The following CCDC102B variants were observed in gnomAD, a reference collection of about 807,000 sequenced individuals.
CCDC102B encodes the protein coiled-coil domain-containing protein 102B.
A neutral mutation model predicts 57.4 loss-of-function variants in CCDC102B; 75 were observed. That is an observed-to-expected ratio of 1.31 (90% CI 1.08 to 1.58). CCDC102B has a LOEUF of 1.58. Ranked by LOEUF, CCDC102B falls within the 40% of genes most tolerant of loss-of-function variation. The pLI is 0.00. For missense variants in CCDC102B, 636 were observed against 582.6 expected (o/e 1.09, Z -0.94); for synonymous variants, 206 against 201.9 (o/e 1.02, Z -0.17).
rs1441238529 is a variant in CCDC102B, at chr18:68,890,965, C to T, written c.1054-6254C>T. Among the ~76,000 whole-genome samples, 3 of 151,952 alleles carry T rather than the reference C, an allele frequency of 2.0e-5. No individual in the cohort carries two copies. In the East Asian group the frequency reaches 5.8e-4, roughly 29 times the overall value. On this transcript the variant is annotated intron_variant, in intron 5 of 7. Transcript: ENST00000360242. Reference sequence around the variant, plus strand: ...TTAATCATAGGAGTGGGACTTATTTCTTTAGGAATAGAATTACTGGTTCAT... The same window carrying T: ...TTAATCATAGGAGTGGGACTTATTTTTTTAGGAATAGAATTACTGGTTCAT...
intron 6 of CCDC102B, among the ~76,000 whole-genome samples, chr18:68,940,230 T>A (rs1384090904): frequency 2.0e-5 from 3 of 151,886 alleles, no homozygotes; most frequent in Non-Finnish European, 4.4e-5. Context: ...ATTCATGATT[T>A]ATTGAATATT....
chr18:69,048,712 TA>T (rs145226681), intron 7 of CCDC102B, among the ~76,000 whole-genome samples: 15 of 151,752 alleles, frequency 9.9e-5, no homozygotes, highest in South Asian at 2.1e-4. Context: ...TCAGGGTGCT[TA>T]AAAAAAACTC....
At chr18:68,939,329 T>A (rs1185195548) in intron 6 of CCDC102B, among the ~76,000 whole-genome samples, 2 of 151,766 alleles carry the variant, frequency 1.3e-5, no homozygotes, top group Non-Finnish European at 3.0e-5. Context: ...TTTTGCATGT[T>A]ATTAGATTTC....
chr18:68,747,639 T>C (rs1286849994), intron 2 of CCDC102B, among the ~76,000 whole-genome samples: 1 of 152,264 alleles, frequency 6.6e-6, no homozygotes, highest in East Asian at 1.9e-4. Context: ...CTATGACTGG[T>C]TTATTGCACT....
At chr18:68,746,200 C>T (rs1173588900) in intron 2 of CCDC102B, among the ~76,000 whole-genome samples, 1 of 152,208 alleles carries the variant, frequency 6.6e-6, no homozygotes, top group Non-Finnish European at 1.5e-5. Flanking sequence ...ATTACTGCCA[C>T]ATTAAGAGCT....
chr18:68,819,542 G>GT (rs35263403), intron 1 of CCDC102B, among the ~76,000 whole-genome samples: 3,002 of 151,808 alleles, frequency 0.02, 80 homozygotes, highest in African/African-American at 0.055. Context: ...TTTAAAAAAA[G>GT]TTTGGCTTTC....
rs946671329 is a variant in CCDC102B, at chr18:69,014,412, C to T, written c.1434+3308C>T. ...AGGAACATAGAAACTATAGACCAGGCAGCTATTTTCAGGGAGCAGAACCCA... is the reference window on the plus strand; with the variant it reads ...AGGAACATAGAAACTATAGACCAGGTAGCTATTTTCAGGGAGCAGAACCCA... On this transcript the variant is annotated intron_variant, in intron 7 of 7. Transcript: ENST00000360242. Among the ~76,000 whole-genome samples the T allele has an allele frequency of 7.9e-5, 12 of 152,234 alleles. No homozygotes were observed. In the East Asian group the frequency reaches 1.2e-3, roughly 15 times the overall value.
intron 1 of CCDC102B, among the ~76,000 whole-genome samples, chr18:68,834,294 A>G (rs2037268710): frequency 6.6e-6 from 1 of 152,026 alleles, no homozygotes; most frequent in Non-Finnish European, 1.5e-5. Context: ...ATACTGATTT[A>G]TTTTGAAAAC....
intron 6 of CCDC102B, among the ~76,000 whole-genome samples, chr18:68,911,634 C>G (rs1424721213): frequency 1.3e-4 from 20 of 148,584 alleles, no homozygotes; most frequent in African/African-American, 5.0e-4. Context: ...CGCCTGTAGT[C>G]CCAGCTACTC....
chr18:68,979,235 A>G (rs2050514176), intron 6 of CCDC102B, among the ~76,000 whole-genome samples: 1 of 152,084 alleles, frequency 6.6e-6, no homozygotes, highest in South Asian at 2.1e-4. Flanking sequence ...TATGTTCAAC[A>G]TGCTATTCAG....
At chr18:68,922,242 A>G (rs1267885182) in intron 6 of CCDC102B, among the ~76,000 whole-genome samples, 14 of 152,166 alleles carry the variant, frequency 9.2e-5, no homozygotes, top group South Asian at 2.1e-4. Flanking sequence ...TGATGACTAC[A>G]TATCTTTCTC....
At chr18:68,890,643 T>G (rs2144994075) in intron 5 of CCDC102B, among the ~76,000 whole-genome samples, 1 of 152,334 alleles carries the variant, frequency 6.6e-6, no homozygotes, top group South Asian at 2.1e-4. Flanking sequence ...TCCTGGTCAA[T>G]TCCTTGCTTT....
Position 68,837,053 on chromosome 18 carries a change from A to G in CCDC102B, c.290A>G (p.Asp97Gly). 3.1e-6 allele frequency: 5 copies of G among 1,614,204 alleles called. No individual in the cohort carries two copies. Among genetic ancestry groups the G allele is most frequent in the Non-Finnish European group, 4.2e-6 (5 of 1,180,036 alleles). Residue 97 changes from aspartate (D) to glycine (G), a missense_variant, in exon 2 of 8, where the codon GAC (aspartate) becomes GGC (glycine). Transcript: ENST00000360242. The part of the protein sequence containing the change: ...QMEKTMRWWS[D>G]CTANWREKWS... ...GAAAAGACCATGCGGTGGTGGTCGGACTGCACTGCCAACTGGAGAGAAAAA... is the reference window on the plus strand; with the variant it reads ...GAAAAGACCATGCGGTGGTGGTCGGGCTGCACTGCCAACTGGAGAGAAAAA...
At chr18:68,824,890 C>G (rs528922007) in intron 1 of CCDC102B, among the ~76,000 whole-genome samples, 1 of 152,170 alleles carries the variant, frequency 6.6e-6, no homozygotes, top group Non-Finnish European at 1.5e-5. Context: ...TGTCATCACA[C>G]AGTCACACAT....
chr18:68,844,639 C>G (rs1190211610), intron 3 of CCDC102B, among the ~76,000 whole-genome samples: 3 of 151,812 alleles, frequency 2.0e-5, no homozygotes, highest in African/African-American at 7.2e-5. Flanking sequence ...TTAAAATGCA[C>G]TCAAATGTTA....
intron 6 of CCDC102B, among the ~76,000 whole-genome samples, chr18:68,982,427 T>A (rs773548601): frequency 7.9e-5 from 12 of 151,940 alleles, no homozygotes; most frequent in Non-Finnish European, 1.3e-4. Context: ...ATTTGTAGAT[T>A]CCACAAATAT....
At chr18:68,857,342 A>G (rs1214272837) in intron 4 of CCDC102B, among the ~76,000 whole-genome samples, 1 of 97,478 alleles carries the variant, frequency 1.0e-5, no homozygotes, top group South Asian at 2.8e-4. Flanking sequence ...ATATATATTT[A>G]TATATTATAA....
At chr18:68,964,340 T>A (rs1460062296) in intron 6 of CCDC102B, among the ~76,000 whole-genome samples, 1 of 151,750 alleles carries the variant, frequency 6.6e-6, no homozygotes. Context: ...CAGTTTAATA[T>A]TTTATGAATA....
At chr18:68,762,335 C>G (rs2034279662) in intron 2 of CCDC102B, among the ~76,000 whole-genome samples, 1 of 152,020 alleles carries the variant, frequency 6.6e-6, no homozygotes, top group Non-Finnish European at 1.5e-5. Flanking sequence ...TTTATTATAA[C>G]TAAATTTTGA....
Sources: allele counts gnomAD v4.1 joint callset (sites outside exome capture counted in the v4.1 genomes callset), GRCh38; gene constraint gnomAD v4.1.1; transcripts MANE v1.5; gene names NCBI Gene and HGNC (gene_info 2026-07-23, HGNC 2026-07-21).